The following TMEM61 variants were observed in gnomAD, a reference collection of about 807,000 sequenced individuals.
TMEM61 encodes transmembrane protein 61.
Under a neutral mutation model 12.0 loss-of-function variants are expected in TMEM61, and 13 were observed. That is an observed-to-expected ratio of 1.08 (90% CI 0.70 to 1.72). The LOEUF (loss-of-function observed/expected upper bound fraction) is 1.72. TMEM61 is among the 40% of genes most tolerant of loss of function. The probability of loss-of-function intolerance (pLI) is 0.00; values close to 1 mark genes in which losing one functional copy is unlikely to be tolerated. For synonymous variants in TMEM61, 109 were observed against 121.4 expected (o/e 0.90, Z 0.67); for missense variants, 249 against 276.9 (o/e 0.90, Z 0.71).
At chr1:54,982,766 A>G (rs908894451) in intron 1 of TMEM61, among the ~76,000 whole-genome samples, 2 of 152,236 alleles carry the variant, frequency 1.3e-5, no homozygotes, top group Middle Eastern at 3.2e-3. Flanking sequence ...GTACACACAG[A>G]CAGGGATTTG....
chr1:54,991,857 C>A lies in TMEM61; in HGVS notation c.387C>A (p.Ile129=). The A allele has an allele frequency of 6.2e-7, 1 of 1,614,032 alleles. No homozygotes were observed. Among genetic ancestry groups the A allele is most frequent in the Non-Finnish European group, 8.5e-7 (1 of 1,179,980 alleles). The change falls in exon 3 of 3, where the codon ATC becomes ATA. Residue 129 remains isoleucine, a synonymous_variant. Coordinates refer to ENST00000371268, the MANE Select transcript of TMEM61 (RefSeq NM_182532.3). ...GCAGGACCCCCAAAGTGGTTGACATCCCCACTTACGAGGAAGCCGTGAGCT... is the reference window on the plus strand; with the variant it reads ...GCAGGACCCCCAAAGTGGTTGACATACCCACTTACGAGGAAGCCGTGAGCT... ...ESCRTPKVVD[I]PTYEEAVSFP...
intron 1 of TMEM61, 94 bp downstream of exon 1, chr1:54,981,174 T>C: frequency 7.0e-7 from 1 of 1,431,114 alleles, no homozygotes; most frequent in South Asian, 1.4e-5. Context: ...TCGGTCACCG[T>C]GGCTTGGTGG....
intron 2 of TMEM61, 143 bp downstream of exon 2, chr1:54,986,589 A>G: frequency 1.4e-6 from 1 of 736,026 alleles, no homozygotes; most frequent in Non-Finnish European, 2.2e-6. Context: ...TCCTGGGTAC[A>G]CGGAAGCTGA....
chr1:54,990,417 G>T (rs1008628099), intron 2 of TMEM61, among the ~76,000 whole-genome samples: 8 of 152,156 alleles, frequency 5.3e-5, no homozygotes, highest in African/African-American at 9.6e-5. Flanking sequence ...ACACATTGCC[G>T]GAGAAAGTCC....
Position 54,983,109 on chromosome 1 carries a change from G to GTTTTTTTTTTT in TMEM61, c.15+2031_15+2041dup, listed in dbSNP as rs780127208. 6.9e-3 allele frequency among the ~76,000 whole-genome samples: 751 copies of GTTTTTTTTTTT among 109,430 alleles called. 125 individuals carry two copies. Among genetic ancestry groups the GTTTTTTTTTTT allele is most frequent in the Non-Finnish European group, 9.1e-3 (494 of 54,368 alleles). The allele number at this position is 109,430 out of a possible 152,430, so 71.8% of individuals were successfully genotyped here. On this transcript the variant is annotated intron_variant, in intron 1 of 2. Transcript: ENST00000371268. ...TTAGTGGTGATTTGTGTTTTGCTTT[G>GTTTTTTTTTTT]TTTTTTTTTTTTGTTTTTTTTTGAG...
intron 2 of TMEM61, among the ~76,000 whole-genome samples, chr1:54,988,101 C>T (rs1046955726): frequency 2.6e-5 from 4 of 152,236 alleles, no homozygotes; most frequent in African/African-American, 9.6e-5. Context: ...TGGGGACTCT[C>T]CAGCCAAACC....
intron 1 of TMEM61, among the ~76,000 whole-genome samples, chr1:54,985,547 C>T (rs992370504): frequency 6.6e-6 from 1 of 152,204 alleles, no homozygotes; most frequent in South Asian, 2.1e-4. Flanking sequence ...TGCTGAACAT[C>T]TTTTTCCATA....
At chr1:54,982,080 C>G (rs72907618) in intron 1 of TMEM61, among the ~76,000 whole-genome samples, 26 of 152,242 alleles carry the variant, frequency 1.7e-4, no homozygotes, top group African/African-American at 6.0e-4. Context: ...TACAGCCTGC[C>G]GTCTTGCCAT....
chr1:54,982,412 A>C (rs1411105151), intron 1 of TMEM61, among the ~76,000 whole-genome samples: 1 of 152,126 alleles, frequency 6.6e-6, no homozygotes, highest in Non-Finnish European at 1.5e-5. Flanking sequence ...GACCTATAAT[A>C]ATAAGGAAAA....
In TMEM61 at chr1:54,981,024, G is replaced by A. The variant is rs2253465; in HGVS notation, c.-42G>A. ...CACCACCACACCTTCACCTGCGCCCGGCTCCCTGCGCGCCTGGACAGCGCC... is the reference window on the plus strand; with the variant it reads ...CACCACCACACCTTCACCTGCGCCCAGCTCCCTGCGCGCCTGGACAGCGCC... On this transcript the variant is annotated 5_prime_UTR_variant, in exon 1 of 3. Transcript: ENST00000371268. 0.76 allele frequency: 1,173,274 copies of A among 1,546,216 alleles called. 452,227 individuals are homozygous for A. Among genetic ancestry groups the A allele is most frequent in the Non-Finnish European group, 0.8 (910,671 of 1,144,212 alleles).
intron 1 of TMEM61, among the ~76,000 whole-genome samples, chr1:54,984,672 G>A (rs1279048597): frequency 6.6e-6 from 1 of 152,224 alleles, no homozygotes; most frequent in Non-Finnish European, 1.5e-5. Context: ...TGCCCTCAGG[G>A]AGCTCACAGA....
chr1:54,982,857 G>T (rs988735406), intron 1 of TMEM61, among the ~76,000 whole-genome samples: 1 of 152,206 alleles, frequency 6.6e-6, no homozygotes. Context: ...CAATTGTGGA[G>T]AAATTGTCAC....
intron 1 of TMEM61, among the ~76,000 whole-genome samples, chr1:54,984,841 G>A (rs188993156): frequency 6.6e-6 from 1 of 152,296 alleles, no homozygotes; most frequent in East Asian, 1.9e-4. Context: ...GAAGTTACAG[G>A]TACAGGGACT....
intron 1 of TMEM61, among the ~76,000 whole-genome samples, chr1:54,985,783 A>G (rs1465043126): frequency 6.6e-6 from 1 of 152,108 alleles, no homozygotes; most frequent in Non-Finnish European, 1.5e-5. Flanking sequence ...TGTGGCAGTC[A>G]GGGTGGGAAG....
At chr1:54,989,601 A>AT (rs2101637517) in intron 2 of TMEM61, among the ~76,000 whole-genome samples, 1 of 152,356 alleles carries the variant, frequency 6.6e-6, no homozygotes, top group African/African-American at 2.4e-5. Flanking sequence ...GAGGGGTGTG[A>AT]TGCAGCTGCC....
At chr1:54,989,668 G>A (rs950923834) in intron 2 of TMEM61, among the ~76,000 whole-genome samples, 16 of 152,216 alleles carry the variant, frequency 1.1e-4, no homozygotes, top group African/African-American at 1.7e-4. Flanking sequence ...GGAGCTGGGC[G>A]GGCCCAGCTG....
chr1:54,988,134 C>T (rs1466125308), intron 2 of TMEM61, among the ~76,000 whole-genome samples: 2 of 152,236 alleles, frequency 1.3e-5, no homozygotes, highest in African/African-American at 4.8e-5. Flanking sequence ...GATGAGAGAC[C>T]TGGGTCTCAG....
chr1:54,986,431 A>G lies in TMEM61; in HGVS notation c.350A>G (p.Glu117Gly), dbSNP rs1460347318. 6.4e-7 allele frequency: 1 copy of G among 1,565,808 alleles called. No individual in the cohort carries two copies. ...TACTACCTCACTGTGGAGTCCTCAG[A>G]GAAGGAGAGCTGCAGGTCAGCAGGG... ...DLYYLTVESS[E>G]KESCRTPKVV... Residue 117 changes from glutamate (E) to glycine (G), a missense_variant, in exon 2 of 3, where the codon GAG (glutamate) becomes GGG (glycine). Coordinates refer to ENST00000371268, the MANE Select transcript of TMEM61 (RefSeq NM_182532.3).
chr1:54,986,120 C>T lies in TMEM61; in HGVS notation c.39C>T (p.Ala13=), dbSNP rs147533721. The T allele has an allele frequency of 1.0e-4, 163 of 1,595,682 alleles. No homozygotes were observed. The African/African-American group carries it at 2.1e-3, about 20-fold the overall frequency. ...AGATGTGTGACGGGAGCCACTTGGC[C>T]TCCACCCTCCGCTATTGCATGACAG... The part of the protein sequence containing the change: ...LPQMCDGSHL[A]STLRYCMTVS... Residue 13 remains alanine (A), a synonymous_variant, in exon 2 of 3, where the codon GCC becomes GCT. Coordinates refer to ENST00000371268, the MANE Select transcript of TMEM61 (RefSeq NM_182532.3).
Sources: allele counts gnomAD v4.1 joint callset (sites outside exome capture counted in the v4.1 genomes callset), GRCh38; gene constraint gnomAD v4.1.1; transcripts MANE v1.5; gene names NCBI Gene and HGNC (gene_info 2026-07-23, HGNC 2026-07-21).